MET: variants seen among roughly 807,000 people sequenced by gnomAD.
MET encodes MET proto-oncogene, receptor tyrosine kinase.
Under a neutral mutation model 133.1 loss-of-function variants are expected in MET, and 48 were observed. The observed-to-expected ratio is 0.36, with a 90% CI of 0.29 to 0.46. The LOEUF (loss-of-function observed/expected upper bound fraction) is 0.46, where lower values mean the gene tolerates loss of function less well. MET is among the 20% of genes least tolerant of loss of function. The pLI is 1.00. For missense variants in MET, 1,442 were observed against 1,695.9 expected (o/e 0.85, Z 2.63); for synonymous variants, 628 against 616.5 (o/e 1.02, Z -0.28).
intron 19 of MET, among the ~76,000 whole-genome samples, chr7:116,786,159 T>C (rs1157087962): frequency 6.6e-6 from 1 of 152,234 alleles, no homozygotes; most frequent in African/African-American, 2.4e-5. Flanking sequence ...GCCACCTTCT[T>C]GCTGTGTCCT....
chr7:116,796,203 T>C lies in MET; in HGVS notation c.*79T>C. ...TGCCTGACCTTTAAAAGGCCATCGA[T>C]ATTCTTTGCTCTTGCCAAAATTGCA... On this transcript the variant is annotated 3_prime_UTR_variant, in exon 21 of 21. Coordinates refer to ENST00000397752, the MANE Select transcript of MET (RefSeq NM_000245.4). 2 of 1,342,828 alleles carry C rather than the reference T, an allele frequency of 1.5e-6. No individual in the cohort carries two copies. Among genetic ancestry groups the C allele is most frequent in the Non-Finnish European group, 2.1e-6 (2 of 941,150 alleles). 83.2% of individuals were successfully genotyped at this position (1,342,828 alleles called of 1,614,324 possible).
In MET at chr7:116,769,644, G is replaced by C. The variant is rs1240673121; in HGVS notation, c.2584-1G>C. 1 of 1,607,454 alleles carries C rather than the reference G, an allele frequency of 6.2e-7. No individual in the cohort carries two copies. The highest frequency in any genetic ancestry group is 8.5e-7 in the Non-Finnish European group (1 of 1,177,798). On this transcript the variant is annotated splice_acceptor_variant, in intron 11 of 20. Transcript: ENST00000397752. LOFTEE classifies it high-confidence loss of function. ...ACCTTTTTTTTTTTTTTTCCTTTCA[G>C]GGAAATGATATTGACCCTGAAGCAG...
chr7:116,728,781 A>C (rs1792887575), intron 2 of MET, among the ~76,000 whole-genome samples: 2 of 152,224 alleles, frequency 1.3e-5, no homozygotes, highest in African/African-American at 4.8e-5. Context: ...GATAGAAGGC[A>C]GGTAGTTTGT....
intron 1 of MET, among the ~76,000 whole-genome samples, chr7:116,687,435 A>T (rs917922985): frequency 1.3e-5 from 2 of 152,084 alleles, no homozygotes; most frequent in Admixed American, 1.3e-4. Flanking sequence ...TTGGTTCTTT[A>T]TTTTCTGGTG....
At position 116,779,879 on chromosome 7, in the gene MET, C is replaced by G. The variant is rs1457836967; in HGVS notation, c.3522+922C>G. On this transcript the variant is annotated intron_variant, in intron 17 of 20. Transcript: ENST00000397752. ...ATGGCTACTAGAAAATTTTATATTA[C>G]ATGTGTGTCTTGCTTTATATTTCTA... 2.6e-5 allele frequency among the ~76,000 whole-genome samples: 4 copies of G among 152,118 alleles called. No individual in the cohort carries two copies. In the South Asian group the frequency reaches 8.3e-4, roughly 32 times the overall value.
chr7:116,703,400 C>T (rs773044670), intron 2 of MET, among the ~76,000 whole-genome samples: 17 of 152,198 alleles, frequency 1.1e-4, no homozygotes, highest in Non-Finnish European at 2.1e-4. Context: ...ATCAATCAAC[C>T]TCTATAAGCA....
At chr7:116,746,892 C>T (rs1174825269) in intron 5 of MET, among the ~76,000 whole-genome samples, 1 of 152,026 alleles carries the variant, frequency 6.6e-6, no homozygotes, top group African/African-American at 2.4e-5. Context: ...CAAACCCGCA[C>T]ATTGTGCACA....
chr7:116,797,598 C>T lies in MET; in HGVS notation c.*1474C>T, dbSNP rs1302713204. Reference sequence around the variant, plus strand: ...TGTAGGTTACTCTAACTGGTTTTGTCGACGTAAACATTTAAAGTGTTATAT... The same window carrying T: ...TGTAGGTTACTCTAACTGGTTTTGTTGACGTAAACATTTAAAGTGTTATAT... On this transcript the variant is annotated 3_prime_UTR_variant, in exon 21 of 21. Coordinates refer to ENST00000397752, the MANE Select transcript of MET (RefSeq NM_000245.4). 2 of 223,710 alleles carry T rather than the reference C, an allele frequency of 8.9e-6. No homozygotes were observed. Among genetic ancestry groups the T allele is most frequent in the East Asian group, 6.5e-5 (1 of 15,408 alleles). The allele number at this position is 223,710 out of a possible 1,614,324, so 13.9% of individuals were successfully genotyped here.
intron 19 of MET, among the ~76,000 whole-genome samples, chr7:116,785,237 G>C (rs1020814462): frequency 1.3e-5 from 2 of 152,216 alleles, no homozygotes; most frequent in African/African-American, 2.4e-5. Context: ...CAGGCACACG[G>C]TGCAAACTGT....
intron 17 of MET, among the ~76,000 whole-genome samples, chr7:116,781,374 A>G (rs1289795258): frequency 1.3e-5 from 2 of 152,160 alleles, no homozygotes; most frequent in African/African-American, 4.8e-5. Flanking sequence ...TGTTGGCCTC[A>G]TCATACCTGG....
Position 116,757,531 on chromosome 7 carries a change from T to C in MET, c.1957T>C (p.Ser653Pro). The stretch of plus-strand genomic sequence containing the variant: ...CGGGACAACACAATACAGTACATTC[T>C]CCTATGTGGTAAGGAAGATTCTATC... Reference protein sequence around the residue: ...GHGTTQYSTFSYVDPVITSIS... With the variant: ...GHGTTQYSTFPYVDPVITSIS... Residue 653 changes from serine to proline, a missense_variant, in exon 7 of 21, where the codon TCC becomes CCC. Ser to Pro is a moderately conservative substitution (Grantham distance 74). Coordinates refer to ENST00000397752, the MANE Select transcript of MET (RefSeq NM_000245.4). The C allele has an allele frequency of 6.2e-7, 1 of 1,613,614 alleles. No individual in the cohort carries two copies. Among genetic ancestry groups the C allele is most frequent in the Non-Finnish European group, 8.5e-7 (1 of 1,179,586 alleles).
chr7:116,788,901 G>A (rs993191651), intron 19 of MET, among the ~76,000 whole-genome samples: 1 of 152,144 alleles, frequency 6.6e-6, no homozygotes, highest in Non-Finnish European at 1.5e-5. Context: ...AAACAAAATC[G>A]GAGTGTCACT....
At chr7:116,717,430 G>A (rs773102768) in intron 2 of MET, among the ~76,000 whole-genome samples, 5 of 152,138 alleles carry the variant, frequency 3.3e-5, no homozygotes, top group Non-Finnish European at 5.9e-5. Flanking sequence ...GTGAAATTTA[G>A]GGAAATAAGA....
chr7:116,786,799 G>A (rs962629185), intron 19 of MET, among the ~76,000 whole-genome samples: 4 of 152,214 alleles, frequency 2.6e-5, no homozygotes, highest in Non-Finnish European at 5.9e-5. Flanking sequence ...TGTTCATGGG[G>A]GACATGCACT....
chr7:116,747,279 T>C (rs149402541), intron 5 of MET, among the ~76,000 whole-genome samples: 2,273 of 152,244 alleles, frequency 0.015, 32 homozygotes, highest in Non-Finnish European at 0.017. Flanking sequence ...CATAACACTA[T>C]TAACCTTAAA....
intron 19 of MET, among the ~76,000 whole-genome samples, chr7:116,791,339 G>T (rs1795485458): frequency 6.6e-6 from 1 of 152,060 alleles, no homozygotes; most frequent in Non-Finnish European, 1.5e-5. Flanking sequence ...AGTTCCAGTT[G>T]TTCAGCATCC....
intron 5 of MET, among the ~76,000 whole-genome samples, chr7:116,751,224 A>G (rs188581602): frequency 1.3e-5 from 2 of 152,348 alleles, no homozygotes; most frequent in East Asian, 1.9e-4. Flanking sequence ...CATATATGCC[A>G]TGGAATACTA....
chr7:116,740,773 C>A, intron 4 of MET, 79 bp from the exon 5 acceptor site: 1 of 1,532,074 alleles, frequency 6.5e-7, no homozygotes, highest in Non-Finnish European at 9.0e-7. Context: ...TTTACATGTA[C>A]CTTTTGTGTA....
At chr7:116,780,781 C>T (rs1795132980) in intron 17 of MET, among the ~76,000 whole-genome samples, 1 of 152,226 alleles carries the variant, frequency 6.6e-6, no homozygotes, top group Non-Finnish European at 1.5e-5. Flanking sequence ...ACAAACTCCT[C>T]AGTGACTGTT....
Sources: gnomAD v4.1 joint callset for allele counts (sites outside exome capture counted in the v4.1 genomes callset) on GRCh38, gnomAD v4.1.1 for gene constraint, MANE v1.5 for transcripts, NCBI Gene and HGNC (gene_info 2026-07-23, HGNC 2026-07-21) for gene names.